Variants in NEDD8 observed in about 807,000 individuals in gnomAD.
The protein encoded by NEDD8 is NEDD8 ubiquitin like modifier, also known as ubiquitin-like protein NEDD8.
Under a neutral mutation model 13.8 loss-of-function variants are expected in NEDD8, and 1 was observed. The ratio of observed to expected loss-of-function variants is 0.07; its 90% CI spans 0.03 to 0.34. NEDD8 has a LOEUF of 0.34. Among genes scored for constraint, NEDD8 ranks in the 10% least tolerant of loss-of-function variants. The pLI is 0.99. For synonymous variants in NEDD8, 31 were observed against 33.2 expected, an observed-to-expected ratio of 0.93 and a Z score of 0.23; for missense variants, 10 against 95.2, an observed-to-expected ratio of 0.10 and a Z score of 3.73.
chr14:24,217,273 T>A (rs1208085537), intron 3 of NEDD8, 50 bp from the exon 4 acceptor site: 2 of 1,454,168 alleles, frequency 1.4e-6, no homozygotes, highest in African/African-American at 3.6e-5. Flanking sequence ...CTTAGGAGTT[T>A]TTTGTTGTTG....
chr14:24,219,188 A>T (rs2039757236), intron 1 of NEDD8, among the ~76,000 whole-genome samples: 1 of 151,922 alleles, frequency 6.6e-6, no homozygotes, highest in East Asian at 1.9e-4. Flanking sequence ...TTGGCTGGGC[A>T]TGGTGGCTCA....
chr14:24,218,457 T>C (rs2039745484), intron 1 of NEDD8, 26 bp from the exon 2 acceptor site: 1 of 1,614,098 alleles, frequency 6.2e-7, no homozygotes. Context: ...GTTTCATGAG[T>C]CCTTAAAGCC....
At chr14:24,219,525 A>G (rs980875896) in intron 1 of NEDD8, among the ~76,000 whole-genome samples, 2 of 151,698 alleles carry the variant, frequency 1.3e-5, no homozygotes, top group African/African-American at 4.8e-5. Flanking sequence ...AAAAGAGAAA[A>G]GAAGACAAGA....
chr14:24,232,124 G>A (rs1348319056), intron 1 of NEDD8, 126 bp downstream of exon 1: 2 of 1,473,540 alleles, frequency 1.4e-6, no homozygotes, highest in African/African-American at 1.4e-5. Flanking sequence ...CCCTCGCGCG[G>A]AGCCCTGAGG....
chr14:24,217,761 C>T (rs935457760), intron 3 of NEDD8: 6 of 186,836 alleles, frequency 3.2e-5, no homozygotes, highest in Non-Finnish European at 6.7e-5. Flanking sequence ...AACTTGTTAA[C>T]AATAGCAATT....
chr14:24,220,834 C>T (rs112285377), intron 1 of NEDD8, among the ~76,000 whole-genome samples: 2 of 152,168 alleles, frequency 1.3e-5, no homozygotes, highest in Non-Finnish European at 2.9e-5. Flanking sequence ...TTCTGTACTC[C>T]GTCCTACCTG....
intron 1 of NEDD8, chr14:24,218,683 A>G: frequency 1.8e-6 from 1 of 570,830 alleles, no homozygotes; most frequent in Non-Finnish European, 3.1e-6. Flanking sequence ...TCATCTTCCA[A>G]CATCAGTCCC....
At position 24,218,429 on chromosome 14, in the gene NEDD8, C is replaced by T. The variant is rs752144565; in HGVS notation, c.21G>A (p.Thr7=). 2.7e-5 allele frequency: 43 copies of T among 1,614,068 alleles called. No individual in the cohort carries two copies. The highest frequency in any genetic ancestry group is 3.5e-5 in the Non-Finnish European group (41 of 1,180,054). The stretch of plus-strand genomic sequence containing the variant: ...CAATCTCAATCTCCTTTCCGGTCAG[C>T]GTCTGAAACAGGCAATGGTTTCATG... The part of the protein sequence containing the change: MLIKVK[T]LTGKEIEIDI... Residue 7 remains threonine, a splice_region_variant and synonymous_variant, in exon 2 of 4, where the codon ACG becomes ACA. Coordinates refer to ENST00000250495, the MANE Select transcript of NEDD8 (RefSeq NM_006156.3).
At position 24,217,178 on chromosome 14, in the gene NEDD8, T is replaced by C. The variant is rs753412408; in HGVS notation, c.195A>G (p.Ser65=). The change falls in exon 4 of 4, where the codon TCA becomes TCG. Residue 65 remains serine (S), a synonymous_variant. Coordinates refer to ENST00000250495, the MANE Select transcript of NEDD8 (RefSeq NM_006156.3). ...TCAGAGCCAACACCAGGTGAAGGAC[T>C]GAACCACCTAAAATCTTGTAATCAG... The part of the protein sequence containing the change: ...TAADYKILGG[S]VLHLVLALRG... The C allele has an allele frequency of 6.2e-7, 1 of 1,613,798 alleles. No homozygotes were observed. The highest frequency in any genetic ancestry group is 8.5e-7 in the Non-Finnish European group (1 of 1,179,932).
intron 1 of NEDD8, among the ~76,000 whole-genome samples, chr14:24,224,847 A>G (rs2039863393): frequency 6.6e-6 from 1 of 152,206 alleles, no homozygotes; most frequent in South Asian, 2.1e-4. Flanking sequence ...ATACAGAGGA[A>G]AAGAGGAATA....
intron 1 of NEDD8, among the ~76,000 whole-genome samples, chr14:24,225,811 G>A (rs55754036): frequency 0.037 from 5,696 of 152,278 alleles, 347 homozygotes; most frequent in African/African-American, 0.13. Context: ...GGCCAAGGCA[G>A]GCGGATCACC....
At chr14:24,227,468 T>A (rs1283463950) in intron 1 of NEDD8, 1 of 152,074 alleles carries the variant, frequency 6.6e-6, no homozygotes, top group Non-Finnish European at 1.5e-5. Context: ...TACAGAGACA[T>A]AAACATATAA....
In NEDD8 at chr14:24,232,314, C is replaced by A; in HGVS notation, c.-47G>T. 6.2e-7 allele frequency: 1 copy of A among 1,612,346 alleles called. No homozygotes were observed. Among genetic ancestry groups the A allele is most frequent in the African/African-American group, 1.3e-5 (1 of 74,828 alleles). On this transcript the variant is annotated 5_prime_UTR_variant, in exon 1 of 4. Coordinates refer to ENST00000250495, the MANE Select transcript of NEDD8 (RefSeq NM_006156.3). ...CACACGGATAAATTGCTGCTCCTAC[C>A]GCTCCGGTCGCCGCTGCCGCCCTCC...
chr14:24,227,611 C>T (rs1235350575), intron 1 of NEDD8: 1 of 152,202 alleles, frequency 6.6e-6, no homozygotes, highest in East Asian at 1.9e-4. Context: ...GAATTGTATT[C>T]CAGACACCTG....
At chr14:24,223,656 A>G (rs2039843396) in intron 1 of NEDD8, among the ~76,000 whole-genome samples, 1 of 151,496 alleles carries the variant, frequency 6.6e-6, no homozygotes. Flanking sequence ...TGAAAGTATC[A>G]TCCCACCTCA....
chr14:24,226,394 C>T (rs1285603561), intron 1 of NEDD8, among the ~76,000 whole-genome samples: 1 of 143,652 alleles, frequency 7.0e-6, no homozygotes, highest in Non-Finnish European at 1.5e-5. Flanking sequence ...TGCAGTGAGC[C>T]GAGATCGTGC....
At chr14:24,224,834 G>A (rs536397761) in intron 1 of NEDD8, among the ~76,000 whole-genome samples, 10 of 152,234 alleles carry the variant, frequency 6.6e-5, no homozygotes, top group African/African-American at 2.4e-4. Context: ...CAGCTGACAG[G>A]AAATACAGAG....
At chr14:24,232,058 G>C (rs2040046777) in intron 1 of NEDD8, 192 bp downstream of exon 1, 1 of 790,390 alleles carries the variant, frequency 1.3e-6, no homozygotes, top group African/African-American at 1.8e-5. Flanking sequence ...AGGGTCGTCA[G>C]GTGGGACCTG....
At position 24,218,071 on chromosome 14, in the gene NEDD8, C is replaced by T. The variant is rs1211708637; in HGVS notation, c.149+62G>A. 3.1e-6 allele frequency: 5 copies of T among 1,607,998 alleles called. No individual in the cohort carries two copies. The African/African-American group carries it at 6.7e-5, about 21-fold the overall frequency. ...ACCCCTGATCCACCTCAGTACGTGC[C>T]CCCTCTCCTCTTCTCATCTTCACAT... On this transcript the variant is annotated intron_variant, in intron 3 of 3. Transcript: ENST00000250495.
Sources: gnomAD v4.1 joint callset for allele counts (sites outside exome capture counted in the v4.1 genomes callset) on GRCh38, gnomAD v4.1.1 for gene constraint, MANE v1.5 for transcripts, NCBI Gene and HGNC (gene_info 2026-07-23, HGNC 2026-07-21) for gene names.